The following CLVS1 variants were observed in gnomAD, a reference collection of about 807,000 sequenced individuals.
CLVS1 encodes clavesin 1, also known as clavesin-1.
CLVS1 carries 10 observed loss-of-function variants against 33.1 expected under a neutral mutation model. That is an observed-to-expected ratio of 0.30 (90% CI 0.19 to 0.51). The LOEUF (loss-of-function observed/expected upper bound fraction) is 0.51, where lower values mean the gene tolerates loss of function less well. Among genes scored for constraint, CLVS1 ranks in the 20% least tolerant of loss-of-function variants. The probability of loss-of-function intolerance (pLI) is 0.97; values close to 1 mark genes in which losing one functional copy is unlikely to be tolerated. For missense variants in CLVS1, 343 were observed against 433.4 expected (o/e 0.79, Z 1.85); for synonymous variants, 163 against 166.1 (o/e 0.98, Z 0.14).
At chr8:61,153,537 T>G (rs12543196) in intron 2 of CLVS1, among the ~76,000 whole-genome samples, 116,477 of 152,064 alleles carry the variant, frequency 0.77, 45,692 homozygotes, top group Middle Eastern at 0.93. Context: ...GTTTTTGGCA[T>G]CTGGCAAGGT....
chr8:61,305,774 AT>A (rs1455438635), intron 2 of CLVS1, among the ~76,000 whole-genome samples: 5 of 152,142 alleles, frequency 3.3e-5, no homozygotes, highest in African/African-American at 1.2e-4. Flanking sequence ...TGTTCTCAAC[AT>A]TTAGCTCTCA....
chr8:61,224,649 G>A (rs758788377), intron 2 of CLVS1, among the ~76,000 whole-genome samples: 3 of 152,176 alleles, frequency 2.0e-5, no homozygotes, highest in Non-Finnish European at 2.9e-5. Flanking sequence ...TCACCCCGTT[G>A]GGTGGCATAG....
At chr8:60,972,133 TTC>T in the CLVS1 span, among the ~76,000 whole-genome samples, 3 of 151,294 alleles carry the variant, frequency 2.0e-5, no homozygotes, top group East Asian at 1.9e-4. Flanking sequence ...GTAACTGTCT[TTC>T]TCTCTCTCTC....
In CLVS1 at chr8:61,180,097, A is replaced by T. The variant is rs145605070; in HGVS notation, c.-152+48237A>T. Among the ~76,000 whole-genome samples the T allele has an allele frequency of 5.6e-3, 851 of 152,298 alleles. 10 individuals are homozygous for T. The highest frequency in any genetic ancestry group is 0.019 in the African/African-American group (786 of 41,562). On this transcript the variant is annotated intron_variant, in intron 2 of 2. Coordinates refer to the CLVS1 transcript ENST00000522621. ...ACAAAATAGATAGACCACTAGGTAG[A>T]CTAATAAAGAAGAAGAGAGAGAAGA...
chr8:61,308,018 C>A (rs1387187134), intron 2 of CLVS1, among the ~76,000 whole-genome samples: 1 of 152,174 alleles, frequency 6.6e-6, no homozygotes, highest in African/African-American at 2.4e-5. Context: ...TGGCTTCAGG[C>A]TCCAACTTGG....
chr8:61,179,753 A>G (rs542533133), intron 2 of CLVS1, among the ~76,000 whole-genome samples: 36 of 152,208 alleles, frequency 2.4e-4, no homozygotes, highest in South Asian at 4.1e-4. Context: ...CTGGGTGAAT[A>G]ATGAAATTAA....
At chr8:61,112,716 G>T (rs1197657104) in intron 1 of CLVS1, among the ~76,000 whole-genome samples, 1 of 152,170 alleles carries the variant, frequency 6.6e-6, no homozygotes, top group Non-Finnish European at 1.5e-5. Flanking sequence ...TCAGACTGGA[G>T]AAGCAAAAGG....
intron 2 of CLVS1, among the ~76,000 whole-genome samples, chr8:61,211,870 G>A (rs985007130): frequency 2.6e-5 from 4 of 152,208 alleles, no homozygotes; most frequent in South Asian, 2.1e-4. Context: ...GCAGAGGGAG[G>A]TGGCATCAGA....
At chr8:61,388,545 A>G (rs936640595) in intron 3 of CLVS1, among the ~76,000 whole-genome samples, 1 of 152,050 alleles carries the variant, frequency 6.6e-6, no homozygotes, top group Non-Finnish European at 1.5e-5. Flanking sequence ...CTCCTAAAAT[A>G]TAGGATATGC....
chr8:61,399,755 C>T (rs1814675599), intron 3 of CLVS1, among the ~76,000 whole-genome samples: 1 of 152,178 alleles, frequency 6.6e-6, no homozygotes, highest in Non-Finnish European at 1.5e-5. Context: ...CTGCATATGG[C>T]TAGCCAGTTC....
chr8:61,468,643 C>A (rs1398196720), intron 5 of CLVS1, among the ~76,000 whole-genome samples: 2 of 150,732 alleles, frequency 1.3e-5, no homozygotes, highest in Non-Finnish European at 2.9e-5. Context: ...CCTGGAGGCC[C>A]CTCCCTGGTG....
intron 2 of CLVS1, among the ~76,000 whole-genome samples, chr8:61,258,868 A>G (rs957607543): frequency 6.6e-6 from 1 of 152,216 alleles, no homozygotes; most frequent in Non-Finnish European, 1.5e-5. Flanking sequence ...GTTTTAGGGA[A>G]AAACAGTGCC....
At chr8:61,258,225 A>G (rs1306891232) in intron 2 of CLVS1, among the ~76,000 whole-genome samples, 2 of 152,222 alleles carry the variant, frequency 1.3e-5, no homozygotes, top group Non-Finnish European at 2.9e-5. Context: ...CAAGAAATGT[A>G]TCTGCAGATT....
At chr8:61,409,531 A>C (rs1489972578) in intron 3 of CLVS1, among the ~76,000 whole-genome samples, 2 of 152,216 alleles carry the variant, frequency 1.3e-5, no homozygotes, top group Non-Finnish European at 2.9e-5. Flanking sequence ...ATGTACCACA[A>C]TTTGTTAAAC....
At chr8:61,196,188 G>A (rs1017702038) in intron 2 of CLVS1, among the ~76,000 whole-genome samples, 2 of 152,158 alleles carry the variant, frequency 1.3e-5, no homozygotes, top group African/African-American at 4.8e-5. Context: ...GTTAGACCCT[G>A]AGGATAGAGA....
chr8:61,030,625 G>T, the CLVS1 span, among the ~76,000 whole-genome samples: 8 of 152,276 alleles, frequency 5.3e-5, no homozygotes, highest in Admixed American at 6.5e-5. Flanking sequence ...GCCCAGCAAT[G>T]CAGTTTGTGC....
At chr8:61,179,258 C>A (rs536356168) in intron 2 of CLVS1, among the ~76,000 whole-genome samples, 1 of 152,246 alleles carries the variant, frequency 6.6e-6, no homozygotes, top group East Asian at 1.9e-4. Flanking sequence ...AAGGGCATTA[C>A]ATAATGGTAA....
chr8:61,237,881 T>C (rs1184145394), intron 2 of CLVS1, among the ~76,000 whole-genome samples: 1 of 150,724 alleles, frequency 6.6e-6, no homozygotes, highest in Non-Finnish European at 1.5e-5. Flanking sequence ...TTCTGCTGCC[T>C]TAGGGTCATG....
rs1002712747 is a variant in CLVS1, at chr8:61,117,922, G to A, written c.-242-13848G>A. Reference sequence around the variant, plus strand: ...AGGGAGGATTCCCTCTTTTTCTATTGATTGGAATAGTTTCAGAAGGAATGG... The same window carrying A: ...AGGGAGGATTCCCTCTTTTTCTATTAATTGGAATAGTTTCAGAAGGAATGG... On this transcript the variant is annotated intron_variant, in intron 1 of 2. Transcript: ENST00000522621. 8.2e-4 allele frequency among the ~76,000 whole-genome samples: 125 copies of A among 152,132 alleles called. 2 individuals carry two copies. The East Asian group carries it at 0.023, about 28-fold the overall frequency.
Sources: gnomAD v4.1 joint callset for allele counts (sites outside exome capture counted in the v4.1 genomes callset) on GRCh38, gnomAD v4.1.1 for gene constraint, MANE v1.5 for transcripts, NCBI Gene and HGNC (gene_info 2026-07-23, HGNC 2026-07-21) for gene names.